Variants in RSU1 observed in about 807,000 individuals in gnomAD.
RSU1 encodes Ras suppressor protein 1, also known as rsu-1.
RSU1 carries 26 observed loss-of-function variants against 31.1 expected under a neutral mutation model. The observed-to-expected ratio is 0.84, with a 90% CI of 0.61 to 1.16. The LOEUF is 1.16. Among genes scored for constraint, RSU1 ranks in the 50% most tolerant of loss-of-function variants. The pLI is 0.00. For synonymous variants in RSU1, 164 were observed against 136.3 expected (o/e 1.20, Z -1.41); for missense variants, 320 against 339.1 (o/e 0.94, Z 0.44).
At chr10:16,655,535 A>G (rs900378296) in intron 8 of RSU1, among the ~76,000 whole-genome samples, 4 of 152,230 alleles carry the variant, frequency 2.6e-5, no homozygotes, top group Non-Finnish European at 5.9e-5. Context: ...ATAATTATAT[A>G]TTATATACAA....
At chr10:16,752,390 C>A in intron 7 of RSU1, 149 bp downstream of exon 7, 1 of 614,200 alleles carries the variant, frequency 1.6e-6, no homozygotes, top group Non-Finnish European at 2.9e-6. Flanking sequence ...TAACTCTGGT[C>A]AATGACAAAT....
chr10:16,697,900 G>A lies in RSU1; in HGVS notation c.599-2745C>T, dbSNP rs541051164. Among the ~76,000 whole-genome samples, 92 of 147,040 alleles carry A rather than the reference G, an allele frequency of 6.3e-4. 1 individual carries two copies. The highest frequency in any genetic ancestry group is 2.3e-3 in the African/African-American group (91 of 39,546). On this transcript the variant is annotated intron_variant, in intron 7 of 8. Coordinates refer to ENST00000345264, the MANE Select transcript of RSU1 (RefSeq NM_012425.4). ...CTTCTAGTTGGTAGAATTTTACTCT[G>A]TTGAAGAAGCGTCCAGGATTTTCAA...
intron 7 of RSU1, among the ~76,000 whole-genome samples, chr10:16,728,424 A>G (rs1383937432): frequency 1.3e-5 from 2 of 152,216 alleles, no homozygotes; most frequent in African/African-American, 4.8e-5. Flanking sequence ...ATCCCAGTGG[A>G]ATCAGGATCA....
At chr10:16,597,551 T>A (rs761073123) in intron 8 of RSU1, among the ~76,000 whole-genome samples, 1 of 152,170 alleles carries the variant, frequency 6.6e-6, no homozygotes, top group Non-Finnish European at 1.5e-5. Flanking sequence ...GAGATGTCGT[T>A]TGTCTTCCTT....
chr10:16,771,870 T>C (rs1318466997), intron 3 of RSU1, among the ~76,000 whole-genome samples: 1 of 152,234 alleles, frequency 6.6e-6, no homozygotes, highest in Non-Finnish European at 1.5e-5. Flanking sequence ...GTTCTACATG[T>C]TCCTCAAGGT....
intron 7 of RSU1, 160 bp downstream of exon 7, chr10:16,752,378 GC>G (rs376567730): frequency 3.1e-4 from 183 of 582,806 alleles, no homozygotes; most frequent in African/African-American, 3.0e-3. Context: ...ACCTGTAACA[GC>G]TAACTCTGGT....
chr10:16,716,728 A>G (rs1249394650), intron 7 of RSU1, among the ~76,000 whole-genome samples: 3 of 152,176 alleles, frequency 2.0e-5, no homozygotes, highest in African/African-American at 7.2e-5. Context: ...AGATGCCTGT[A>G]CAACTAAAGA....
chr10:16,715,264 T>A (rs1239742735), intron 7 of RSU1, among the ~76,000 whole-genome samples: 1 of 152,224 alleles, frequency 6.6e-6, no homozygotes, highest in African/African-American at 2.4e-5. Flanking sequence ...GCCTTTTCAT[T>A]GTGTTGATGT....
chr10:16,623,356 A>G (rs566042898), intron 8 of RSU1, among the ~76,000 whole-genome samples: 1 of 152,228 alleles, frequency 6.6e-6, no homozygotes, highest in South Asian at 2.1e-4. Flanking sequence ...GCTGCAAAGG[A>G]TGTAATCTCA....
intron 8 of RSU1, among the ~76,000 whole-genome samples, chr10:16,640,407 C>T (rs188622086): frequency 6.6e-6 from 1 of 152,166 alleles, no homozygotes; most frequent in Non-Finnish European, 1.5e-5. Flanking sequence ...AATAGCCTAG[C>T]AACCGGCCTC....
chr10:16,803,101 A>G (rs1838190573), intron 2 of RSU1, among the ~76,000 whole-genome samples: 1 of 152,172 alleles, frequency 6.6e-6, no homozygotes, highest in Non-Finnish European at 1.5e-5. Flanking sequence ...CTTTCTCCAC[A>G]GATAATATGA....
At chr10:16,776,771 G>A (rs1441991167) in intron 3 of RSU1, among the ~76,000 whole-genome samples, 4 of 145,410 alleles carry the variant, frequency 2.8e-5, no homozygotes, top group South Asian at 2.2e-4. Flanking sequence ...ACAAAATGAC[G>A]AATGTCTAAT....
intron 6 of RSU1, 123 bp from the exon 7 acceptor site, chr10:16,752,776 G>A (rs1296054914): frequency 5.9e-6 from 6 of 1,023,346 alleles, no homozygotes; most frequent in East Asian, 4.9e-5. Context: ...TACAAGTGCC[G>A]GCGGATAATC....
chr10:16,739,552 G>C lies in RSU1; in HGVS notation c.598+12987C>G, dbSNP rs946975570. 2.2e-5 allele frequency among the ~76,000 whole-genome samples: 3 copies of C among 135,214 alleles called. No individual in the cohort carries two copies. The Admixed American group carries it at 2.6e-4, about 12-fold the overall frequency. The allele number at this position is 135,214 out of a possible 152,430, so 88.7% of individuals were successfully genotyped here. A position where few individuals can be genotyped will look rare whatever the true frequency, so the allele number is the denominator to read the frequency against. ...GTGGCGCAATCTCGGCTCACTGCAA[G>C]CTCCGGCTCCCAGGTTCACGCCATT... On this transcript the variant is annotated intron_variant, in intron 7 of 8. Coordinates refer to ENST00000345264, the MANE Select transcript of RSU1 (RefSeq NM_012425.4).
At chr10:16,790,324 C>A (rs368941430) in intron 2 of RSU1, among the ~76,000 whole-genome samples, 1 of 152,146 alleles carries the variant, frequency 6.6e-6, no homozygotes, top group South Asian at 2.1e-4. Context: ...ATTATACCAG[C>A]TGTCCCTCTA....
intron 2 of RSU1, among the ~76,000 whole-genome samples, chr10:16,805,341 C>G (rs988131554): frequency 1.3e-5 from 2 of 152,144 alleles, no homozygotes; most frequent in African/African-American, 4.8e-5. Flanking sequence ...ACTTCCTGCT[C>G]CAGCTCTCTG....
At chr10:16,688,565 C>T (rs546544741) in intron 8 of RSU1, among the ~76,000 whole-genome samples, 42 of 152,064 alleles carry the variant, frequency 2.8e-4, no homozygotes, top group Non-Finnish European at 5.0e-4. Context: ...GCCCAGATCA[C>T]GCCACTGCAG....
chr10:16,672,927 C>G (rs1835139120), intron 8 of RSU1, among the ~76,000 whole-genome samples: 1 of 152,206 alleles, frequency 6.6e-6, no homozygotes, highest in African/African-American at 2.4e-5. Context: ...ACAAATCTAT[C>G]TGGCCCAATG....
chr10:16,610,793 G>A (rs749477692), intron 8 of RSU1, among the ~76,000 whole-genome samples: 2 of 152,168 alleles, frequency 1.3e-5, no homozygotes, highest in South Asian at 4.1e-4. Flanking sequence ...GCTGGTCCAT[G>A]GAAAAACTGT....
Sources: gnomAD v4.1 joint callset for allele counts (sites outside exome capture counted in the v4.1 genomes callset) on GRCh38, gnomAD v4.1.1 for gene constraint, MANE v1.5 for transcripts, NCBI Gene and HGNC (gene_info 2026-07-23, HGNC 2026-07-21) for gene names.